NKAIN3: variants seen among roughly 807,000 people sequenced by gnomAD.
NKAIN3 encodes sodium/potassium transporting ATPase interacting 3.
NKAIN3 carries 25 observed loss-of-function variants against 30.2 expected under a neutral mutation model. The ratio of observed to expected loss-of-function variants is 0.83; its 90% confidence interval spans 0.60 to 1.16. The LOEUF (loss-of-function observed/expected upper bound fraction) is 1.16, where lower values mean the gene tolerates loss of function less well. Among genes scored for constraint, NKAIN3 ranks in the 50% most tolerant of loss-of-function variants. NKAIN3 has a pLI of 0.00. For missense variants in NKAIN3, 225 were observed against 254.1 expected (o/e 0.89, Z 0.78); for synonymous variants, 91 against 89.6 (o/e 1.02, Z -0.09).
At chr8:62,692,156 A>G (rs1229212610) in intron 3 of NKAIN3, among the ~76,000 whole-genome samples, 2 of 152,136 alleles carry the variant, frequency 1.3e-5, no homozygotes, top group Non-Finnish European at 2.9e-5. Flanking sequence ...CGGACTTCAC[A>G]TTTCTCATTC....
intron 1 of NKAIN3, chr8:62,383,589 C>T (rs778311767): frequency 9.0e-6 from 4 of 446,112 alleles, no homozygotes; most frequent in Non-Finnish European, 1.8e-5. Context: ...ACATGCTTCT[C>T]CTGTTATCTT....
rs531859546 is a variant in NKAIN3 at position 62,859,508 on chromosome 8, T to TAAAAAAAAAAAAAAAAAA, written c.472-58932_472-58931insAAAAAAAAAAAAAAAAAA. On this transcript the variant is annotated intron_variant, in intron 4 of 6. Transcript: ENST00000623646. ...ACTTTTTCTATACTCTTACTTCAAC[T>TAAAAAAAAAAAAAAAAAA]AAAAAAAAAAAAACTTCATGGAAGT... 4.6e-4 allele frequency among the ~76,000 whole-genome samples: 28 copies of TAAAAAAAAAAAAAAAAAA among 60,414 alleles called. 1 individual carries two copies. The highest frequency in any genetic ancestry group is 9.0e-4 in the South Asian group (1 of 1,106). 39.6% of individuals were successfully genotyped at this position (60,414 alleles called of 152,430 possible).
intron 4 of NKAIN3, among the ~76,000 whole-genome samples, chr8:62,830,850 A>C (rs1422387699): frequency 2.0e-5 from 3 of 152,142 alleles, no homozygotes; most frequent in Non-Finnish European, 4.4e-5. Context: ...GTGCCTTCTC[A>C]CTGGACATCC....
chr8:62,366,949 T>C (rs551928408), intron 1 of NKAIN3, among the ~76,000 whole-genome samples: 1 of 152,308 alleles, frequency 6.6e-6, no homozygotes, highest in African/African-American at 2.4e-5. Context: ...ATTTTTTGAC[T>C]CTTGGTTATT....
At position 62,973,613 on chromosome 8, in the gene NKAIN3, T is replaced by C. The variant is rs1233523118; in HGVS notation, c.*8206T>C. On this transcript the variant is annotated 3_prime_UTR_variant, in exon 7 of 7. Transcript: ENST00000623646. ...CAAAAATTTTCTCCCATTCTGTAGG[T>C]TGCCTGTTCACTCTGATAATAGTTT... Among the ~76,000 whole-genome samples the C allele has an allele frequency of 1.3e-5, 2 of 152,180 alleles. No individual in the cohort carries two copies. Among genetic ancestry groups the C allele is most frequent in the Non-Finnish European group, 2.9e-5 (2 of 68,020 alleles).
intron 1 of NKAIN3, among the ~76,000 whole-genome samples, chr8:62,549,192 G>T (rs1347708526): frequency 9.2e-5 from 14 of 152,044 alleles, no homozygotes; most frequent in Admixed American, 9.2e-4. Flanking sequence ...AAGAGCTTTT[G>T]CCTATACATT....
intron 4 of NKAIN3, among the ~76,000 whole-genome samples, chr8:62,759,585 T>C (rs1816577876): frequency 6.6e-6 from 1 of 152,142 alleles, no homozygotes; most frequent in African/African-American, 2.4e-5. Flanking sequence ...ATTAATTGGA[T>C]AAGACAGCAA....
chr8:62,599,984 A>G (rs542686302), intron 3 of NKAIN3, among the ~76,000 whole-genome samples: 2 of 152,184 alleles, frequency 1.3e-5, no homozygotes, highest in East Asian at 1.9e-4. Flanking sequence ...ATTAAATATG[A>G]AAACCCATCT....
chr8:62,393,340 C>T (rs184190970), intron 1 of NKAIN3, among the ~76,000 whole-genome samples: 133 of 151,756 alleles, frequency 8.8e-4, no homozygotes, highest in African/African-American at 3.0e-3. Context: ...ATTCTAAATC[C>T]ATTTATTGAA....
chr8:62,517,346 G>T (rs1808022690), intron 1 of NKAIN3, among the ~76,000 whole-genome samples: 1 of 152,006 alleles, frequency 6.6e-6, no homozygotes, highest in South Asian at 2.1e-4. Flanking sequence ...ACTAAGCAAA[G>T]TCTGCTGTGG....
At chr8:62,456,992 G>A (rs186068624) in intron 1 of NKAIN3, among the ~76,000 whole-genome samples, 248 of 152,282 alleles carry the variant, frequency 1.6e-3, no homozygotes, top group African/African-American at 5.7e-3. Context: ...GCCTTTCTTA[G>A]CAGACTTTAA....
intron 4 of NKAIN3, among the ~76,000 whole-genome samples, chr8:62,781,251 A>G (rs1817345016): frequency 6.6e-6 from 1 of 151,936 alleles, no homozygotes; most frequent in Non-Finnish European, 1.5e-5. Context: ...TACAAGAAAA[A>G]CTATAAAACA....
At chr8:62,650,682 C>T (rs1812595408) in intron 3 of NKAIN3, among the ~76,000 whole-genome samples, 1 of 152,074 alleles carries the variant, frequency 6.6e-6, no homozygotes, top group South Asian at 2.1e-4. Context: ...TTCTGATTAT[C>T]ACCAGTTAAG....
intron 3 of NKAIN3, among the ~76,000 whole-genome samples, chr8:62,599,234 G>T (rs777403601): frequency 2.0e-5 from 3 of 152,046 alleles, no homozygotes; most frequent in Admixed American, 6.6e-5. Flanking sequence ...ATTTGTTACC[G>T]CAGGCTTGAG....
At chr8:62,256,761 A>G (rs1421816343) in intron 1 of NKAIN3, among the ~76,000 whole-genome samples, 1 of 152,148 alleles carries the variant, frequency 6.6e-6, no homozygotes, top group African/African-American at 2.4e-5. Context: ...TTGACATTGC[A>G]TCTATTTCTT....
intron 1 of NKAIN3, among the ~76,000 whole-genome samples, chr8:62,408,002 C>T (rs753229385): frequency 9.2e-5 from 14 of 152,284 alleles, no homozygotes; most frequent in South Asian, 4.1e-4. Context: ...CAGCACTCTA[C>T]GCTGGGTAAC....
At chr8:62,958,721 T>C (rs1346006370) in intron 6 of NKAIN3, among the ~76,000 whole-genome samples, 2 of 152,192 alleles carry the variant, frequency 1.3e-5, no homozygotes, top group Admixed American at 6.5e-5. Context: ...AGCAACTAAA[T>C]TGAAGTTTGT....
chr8:62,714,597 A>C (rs76373826), intron 3 of NKAIN3, among the ~76,000 whole-genome samples: 3,388 of 152,302 alleles, frequency 0.022, 99 homozygotes, highest in African/African-American at 0.071. Context: ...TAATATAAAA[A>C]ATAAAAGAAT....
intron 3 of NKAIN3, among the ~76,000 whole-genome samples, chr8:62,663,206 A>G (rs16929380): frequency 0.11 from 16,648 of 152,230 alleles, 2,297 homozygotes; most frequent in African/African-American, 0.33. Flanking sequence ...GGCTTTGGAT[A>G]TCATATTGAG....
Sources: allele counts gnomAD v4.1 joint callset (sites outside exome capture counted in the v4.1 genomes callset), GRCh38; gene constraint gnomAD v4.1.1; transcripts MANE v1.5; gene names NCBI Gene and HGNC (gene_info 2026-07-23, HGNC 2026-07-21).